The following ZNG1B variants were observed in gnomAD, a reference collection of about 807,000 sequenced individuals.
ZNG1B encodes the protein Zn regulated GTPase metalloprotein activator 1B.
chr2:113,461,301 C>T, the ZNG1B span, among the ~76,000 whole-genome samples: 2 of 151,518 alleles, frequency 1.3e-5, no homozygotes, highest in Non-Finnish European at 1.5e-5. Flanking sequence ...AGGCTGGTCT[C>T]GAGCTCCTGA....
chr2:113,467,063 CAA>C, the ZNG1B span, among the ~76,000 whole-genome samples: 2 of 63,282 alleles, frequency 3.2e-5, no homozygotes, highest in Middle Eastern at 0.011. Context: ...GACTCTGTCT[CAA>C]AAAAAAAAAA....
At chr2:113,471,304 A>G in the ZNG1B span, among the ~76,000 whole-genome samples, 1 of 152,208 alleles carries the variant, frequency 6.6e-6, no homozygotes, top group Non-Finnish European at 1.5e-5. Flanking sequence ...AGTGTAAATG[A>G]TAGTTAACTT....
the ZNG1B span, chr2:113,462,719 A>G: frequency 1.8e-6 from 1 of 556,230 alleles, no homozygotes; most frequent in Non-Finnish European, 3.1e-6. Context: ...ATAGACTGAT[A>G]TTCAGGGTCT....
the ZNG1B span, among the ~76,000 whole-genome samples, chr2:113,477,340 G>A: frequency 0.046 from 7,045 of 152,220 alleles, 237 homozygotes; most frequent in Non-Finnish European, 0.073. Flanking sequence ...GACCCCCTGC[G>A]CTTCCCAAGT....
the ZNG1B span, among the ~76,000 whole-genome samples, chr2:113,476,396 T>G: frequency 1.7e-4 from 26 of 150,404 alleles, no homozygotes; most frequent in Admixed American, 1.6e-3. Flanking sequence ...TTCTTCTAAA[T>G]TTTTTTCAAA....
the ZNG1B span, chr2:113,455,602 T>A: frequency 1.4e-5 from 18 of 1,287,170 alleles, no homozygotes; most frequent in Admixed American, 3.7e-4. Context: ...TCCCACCCAC[T>A]GACCCGTTCC....
At chr2:113,456,324 T>C in the ZNG1B span, among the ~76,000 whole-genome samples, 15 of 152,166 alleles carry the variant, frequency 9.9e-5, no homozygotes, top group African/African-American at 3.6e-4. Context: ...AAAATGCTTA[T>C]GGAGGTAGCA....
the ZNG1B span, among the ~76,000 whole-genome samples, chr2:113,488,562 A>T: frequency 6.6e-6 from 1 of 151,928 alleles, no homozygotes; most frequent in Non-Finnish European, 1.5e-5. Flanking sequence ...TTGGTTATTA[A>T]GCTAAGGCAC....
At chr2:113,438,995 A>G in the ZNG1B span, 1 of 1,028,734 alleles carries the variant, frequency 9.7e-7, no homozygotes, top group Non-Finnish European at 1.4e-6. Context: ...TTATAAAGGA[A>G]TTTATTTTTG....
chr2:113,489,593 C>T, the ZNG1B span, among the ~76,000 whole-genome samples: 2 of 152,168 alleles, frequency 1.3e-5, no homozygotes, highest in Non-Finnish European at 2.9e-5. Flanking sequence ...TAAGAATTCA[C>T]CAACCATCTG....
chr2:113,478,410 G>T, the ZNG1B span, among the ~76,000 whole-genome samples: 1 of 151,866 alleles, frequency 6.6e-6, no homozygotes, highest in Admixed American at 6.6e-5. Flanking sequence ...CAAGAAGCTG[G>T]GACCACAGGC....
At chr2:113,450,158 TC>T in the ZNG1B span, among the ~76,000 whole-genome samples, 1 of 151,366 alleles carries the variant, frequency 6.6e-6, no homozygotes, top group South Asian at 2.1e-4. Context: ...TCACTTATAA[TC>T]ATTTTTCCCT....
the ZNG1B span, chr2:113,454,630 G>C: frequency 4.5e-5 from 39 of 861,122 alleles, no homozygotes; most frequent in Middle Eastern, 3.6e-4. Context: ...TTATTGAGTA[G>C]TATTTGTGAA....
chr2:113,478,655 T>TC, the ZNG1B span, among the ~76,000 whole-genome samples: 78 of 151,608 alleles, frequency 5.1e-4, no homozygotes, highest in Middle Eastern at 0.017. Flanking sequence ...TTTTTTTTTT[T>TC]CCACCTTCAG....
chr2:113,470,671 A>G, the ZNG1B span: 8 of 270,074 alleles, frequency 3.0e-5, no homozygotes, highest in Non-Finnish European at 5.0e-5. Context: ...TTGCAGAGGT[A>G]TCTGGAATGT....
chr2:113,462,523 T>G, the ZNG1B span: 1 of 1,581,204 alleles, frequency 6.3e-7, no homozygotes, highest in Non-Finnish European at 8.6e-7. Flanking sequence ...GTTAAGTGCC[T>G]ACAGATCCAT....
At chr2:113,479,817 C>CT in the ZNG1B span, among the ~76,000 whole-genome samples, 158 of 135,646 alleles carry the variant, frequency 1.2e-3, no homozygotes, top group Middle Eastern at 3.8e-3. Context: ...ATTTGCCTTT[C>CT]TTTTTTTTTT....
the ZNG1B span, among the ~76,000 whole-genome samples, chr2:113,475,700 C>G: frequency 7.9e-5 from 12 of 152,026 alleles, no homozygotes; most frequent in Non-Finnish European, 1.3e-4. Context: ...GACAAAATCT[C>G]TCAGCATTTG....
At chr2:113,449,458 A>G in the ZNG1B span, among the ~76,000 whole-genome samples, 1 of 146,432 alleles carries the variant, frequency 6.8e-6, no homozygotes, top group Non-Finnish European at 1.5e-5. Context: ...CTTAGAGGCC[A>G]TTGTAGGATA....
Sources: allele counts gnomAD v4.1 joint callset (sites outside exome capture counted in the v4.1 genomes callset), GRCh38; gene constraint gnomAD v4.1.1; transcripts MANE v1.5; gene names NCBI Gene and HGNC (gene_info 2026-07-23, HGNC 2026-07-21).